Variants in GRID2 observed in about 807,000 individuals in gnomAD.
GRID2 encodes glutamate ionotropic receptor delta type subunit 2.
A neutral mutation model predicts 114.8 loss-of-function variants in GRID2; 33 were observed. That is an observed-to-expected ratio of 0.29 (90% CI 0.22 to 0.38). The LOEUF is 0.38. Among genes scored for constraint, GRID2 ranks in the 10% least tolerant of loss-of-function variants. GRID2 has a pLI of 1.00. For missense variants in GRID2, 1,184 were observed against 1,257.7 expected (o/e 0.94, Z 0.89); for synonymous variants, 505 against 449.9 (o/e 1.12, Z -1.55).
rs538942281 is a variant in GRID2, at chr4:93,494,291, G to A, written c.1997+3514G>A. Among the ~76,000 whole-genome samples the A allele has an allele frequency of 6.3e-4, 96 of 151,820 alleles. No individual in the cohort carries two copies. The Middle Eastern group carries it at 0.01, about 16-fold the overall frequency. The stretch of plus-strand genomic sequence containing the variant: ...CATTGGCAAACACATGCCAACCATA[G>A]CTTCATTTCCAAAATTCAGCGTTGC... On this transcript the variant is annotated intron_variant, in intron 12 of 15. Transcript: ENST00000282020.
At chr4:93,667,767 T>C (rs1724075009) in intron 14 of GRID2, among the ~76,000 whole-genome samples, 1 of 152,024 alleles carries the variant, frequency 6.6e-6, no homozygotes, top group Non-Finnish European at 1.5e-5. Flanking sequence ...GTTTATCCTG[T>C]GAAAAAGATG....
At chr4:93,598,660 T>A (rs1308535234) in intron 13 of GRID2, among the ~76,000 whole-genome samples, 2 of 152,230 alleles carry the variant, frequency 1.3e-5, no homozygotes, top group Non-Finnish European at 2.9e-5. Flanking sequence ...CATTTTAGTA[T>A]GTTTTGTATT....
At chr4:92,678,167 A>G (rs959758692) in intron 2 of GRID2, among the ~76,000 whole-genome samples, 1 of 152,010 alleles carries the variant, frequency 6.6e-6, no homozygotes, top group Admixed American at 6.6e-5. Flanking sequence ...TCTTCACTGA[A>G]TATTTTTTAT....
chr4:93,151,742 A>G (rs2149397852), intron 4 of GRID2, among the ~76,000 whole-genome samples: 1 of 152,266 alleles, frequency 6.6e-6, no homozygotes, highest in East Asian at 1.9e-4. Flanking sequence ...TTTTATTTTG[A>G]AGCCAACAGT....
intron 10 of GRID2, among the ~76,000 whole-genome samples, chr4:93,426,279 C>T (rs748650305): frequency 2.6e-5 from 4 of 152,134 alleles, no homozygotes; most frequent in Non-Finnish European, 4.4e-5. Flanking sequence ...CTTATTAAAA[C>T]CGTGCCCCTT....
At chr4:93,267,167 T>TC (rs1491467802) in intron 8 of GRID2, among the ~76,000 whole-genome samples, 1 of 16,070 alleles carries the variant, frequency 6.2e-5, no homozygotes, top group Non-Finnish European at 1.1e-4. Flanking sequence ...CACACATTTC[T>TC]TTTTTTTTTT....
intron 10 of GRID2, 127 bp downstream of exon 10, chr4:93,423,095 T>G: frequency 1.5e-6 from 1 of 668,220 alleles, no homozygotes; most frequent in Non-Finnish European, 2.6e-6. Flanking sequence ...TTAGGTTGGT[T>G]AAGCATTAGG....
intron 1 of GRID2, among the ~76,000 whole-genome samples, chr4:92,405,930 C>G (rs553900235): frequency 2.0e-5 from 3 of 151,998 alleles, no homozygotes; most frequent in Non-Finnish European, 4.4e-5. Flanking sequence ...CACAACAGGC[C>G]GTCTGCAAGC....
intron 13 of GRID2, among the ~76,000 whole-genome samples, chr4:93,517,291 G>A (rs890161628): frequency 2.0e-5 from 3 of 152,008 alleles, no homozygotes; most frequent in Non-Finnish European, 4.4e-5. Context: ...ATGTAAAGTT[G>A]TGACATAATA....
intron 1 of GRID2, among the ~76,000 whole-genome samples, chr4:92,363,980 C>T (rs1728737831): frequency 6.6e-6 from 1 of 151,704 alleles, no homozygotes; most frequent in South Asian, 2.1e-4. Flanking sequence ...CCACTATGCC[C>T]AGCTAAGTTT....
At chr4:92,612,584 T>G (rs542775511) in intron 2 of GRID2, among the ~76,000 whole-genome samples, 5 of 151,610 alleles carry the variant, frequency 3.3e-5, no homozygotes, top group African/African-American at 7.2e-5. Context: ...TTTATGAATT[T>G]AGAATACATA....
chr4:92,321,515 T>A (rs1726315029), intron 1 of GRID2, among the ~76,000 whole-genome samples: 1 of 152,178 alleles, frequency 6.6e-6, no homozygotes, highest in South Asian at 2.1e-4. Flanking sequence ...ATAACTTCAA[T>A]AAAAACAATT....
chr4:92,553,401 G>T (rs1468857504), intron 1 of GRID2, among the ~76,000 whole-genome samples: 5 of 152,106 alleles, frequency 3.3e-5, no homozygotes, highest in Non-Finnish European at 7.4e-5. Flanking sequence ...ATGAGCAAAA[G>T]CTTGTTGATT....
intron 10 of GRID2, among the ~76,000 whole-genome samples, chr4:93,430,591 C>T (rs1769315339): frequency 6.6e-6 from 1 of 152,214 alleles, no homozygotes; most frequent in African/African-American, 2.4e-5. Context: ...ATCATGAAAA[C>T]ATTTTGTTGA....
rs147307854 is a variant in GRID2 at position 92,742,468 on chromosome 4, C to T, written c.244+152182C>T. Among the ~76,000 whole-genome samples the T allele has an allele frequency of 5.7e-3, 866 of 152,156 alleles. 8 individuals carry two copies. The highest frequency in any genetic ancestry group is 0.019 in the African/African-American group (770 of 41,514). On this transcript the variant is annotated intron_variant, in intron 2 of 15. Transcript: ENST00000282020. The stretch of plus-strand genomic sequence containing the variant: ...TTATATTTTTGGAAATTTCCCTTAC[C>T]CCCTTGACACATTCTCTTAATCTCT...
chr4:93,070,440 G>T (rs1394127848), intron 2 of GRID2, among the ~76,000 whole-genome samples: 1 of 151,964 alleles, frequency 6.6e-6, no homozygotes, highest in Non-Finnish European at 1.5e-5. Flanking sequence ...TTACTTCCTG[G>T]CAGAGAATAA....
chr4:93,453,359 A>AGAGAGAGT lies in GRID2; in HGVS notation c.1546-2302_1546-2301insAGAGAGTG, dbSNP rs1284889245. Among the ~76,000 whole-genome samples the AGAGAGAGT allele has an allele frequency of 4.2e-3, 510 of 121,086 alleles. 1 individual carries two copies. The highest frequency in any genetic ancestry group is 0.012 in the South Asian group (44 of 3,608). The allele number at this position is 121,086 out of a possible 152,430, so 79.4% of individuals were successfully genotyped here. A position where few individuals can be genotyped will look rare whatever the true frequency, so the allele number is the denominator to read the frequency against. On this transcript the variant is annotated intron_variant, in intron 10 of 15. Coordinates refer to ENST00000282020, the MANE Select transcript of GRID2 (RefSeq NM_001510.4). The stretch of plus-strand genomic sequence containing the variant: ...GAGAGAGAGAGAGAGAGAGAGAGAG[A>AGAGAGAGT]GTGTGTGTATTTGTTAGAAAAAGTT...
chr4:92,900,833 C>CAAAAAAAA (rs34089162), intron 2 of GRID2, among the ~76,000 whole-genome samples: 1 of 72,332 alleles, frequency 1.4e-5, no homozygotes, highest in Non-Finnish European at 2.6e-5. Flanking sequence ...GACTTCGTCT[C>CAAAAAAAA]AAAAAAAAAA....
At chr4:92,756,648 A>G (rs1476811160) in intron 2 of GRID2, among the ~76,000 whole-genome samples, 7 of 152,028 alleles carry the variant, frequency 4.6e-5, no homozygotes, top group Admixed American at 6.6e-5. Context: ...GGGTAAGATG[A>G]TATTTTATTT....
Sources: allele counts gnomAD v4.1 joint callset (sites outside exome capture counted in the v4.1 genomes callset), GRCh38; gene constraint gnomAD v4.1.1; transcripts MANE v1.5; gene names NCBI Gene and HGNC (gene_info 2026-07-23, HGNC 2026-07-21).